ATP8A2: variants seen among roughly 807,000 people sequenced by gnomAD.
The protein encoded by ATP8A2 is phospholipid-transporting ATPase IB.
In ATP8A2, 100 loss-of-function variants were observed where a neutral mutation model predicts 165.6. That is an observed-to-expected ratio of 0.60 (90% CI 0.51 to 0.71). The LOEUF (loss-of-function observed/expected upper bound fraction) is 0.71, where lower values mean the gene tolerates loss of function less well. ATP8A2 is among the 30% of genes least tolerant of loss of function. The pLI is 0.00. For missense variants in ATP8A2, 1,227 were observed against 1,479.5 expected, an observed-to-expected ratio of 0.83 and a Z score of 2.80; for synonymous variants, 543 against 548.8, an observed-to-expected ratio of 0.99 and a Z score of 0.15.
At chr13:25,454,238 T>A (rs572245260) in intron 1 of ATP8A2, among the ~76,000 whole-genome samples, 67 of 152,310 alleles carry the variant, frequency 4.4e-4, no homozygotes, top group African/African-American at 1.6e-3. Flanking sequence ...TGCTTTGCCA[T>A]CGGCATGCCT....
intron 24 of ATP8A2, among the ~76,000 whole-genome samples, chr13:25,687,124 G>A (rs1020382078): frequency 2.0e-5 from 3 of 152,156 alleles, no homozygotes; most frequent in African/African-American, 4.8e-5. Flanking sequence ...ATGGCCCACA[G>A]CGGCCATGAG....
chr13:25,764,000 T>C (rs1287837522), intron 25 of ATP8A2, among the ~76,000 whole-genome samples: 2 of 152,180 alleles, frequency 1.3e-5, no homozygotes, highest in Non-Finnish European at 2.9e-5. Context: ...CTGACTGCCA[T>C]GAAAAAGAAG....
chr13:25,512,050 GT>G (rs1309584178), intron 2 of ATP8A2, among the ~76,000 whole-genome samples: 1 of 151,794 alleles, frequency 6.6e-6, no homozygotes, highest in East Asian at 2.0e-4. Context: ...CAGTGTTTGT[GT>G]CCCTGGGTAC....
intron 28 of ATP8A2, among the ~76,000 whole-genome samples, chr13:25,833,984 AC>A (rs1951544108): frequency 6.6e-6 from 1 of 152,238 alleles, no homozygotes; most frequent in African/African-American, 2.4e-5. Context: ...TAGACAAAAG[AC>A]ATGAGTAGAC....
At chr13:25,580,512 T>G (rs923923778) in intron 22 of ATP8A2, among the ~76,000 whole-genome samples, 1 of 152,136 alleles carries the variant, frequency 6.6e-6, no homozygotes, top group Non-Finnish European at 1.5e-5. Flanking sequence ...GCCATCCAAT[T>G]TCCAGTTTCT....
chr13:25,923,876 G>C (rs78186457), intron 33 of ATP8A2, among the ~76,000 whole-genome samples: 1 of 152,126 alleles, frequency 6.6e-6, no homozygotes, highest in East Asian at 1.9e-4. Context: ...TGTAATCCTA[G>C]CATCTTCTGT....
chr13:25,834,419 A>C (rs114583363), intron 28 of ATP8A2, among the ~76,000 whole-genome samples: 1,543 of 152,300 alleles, frequency 0.01, 18 homozygotes, highest in African/African-American at 0.035. Context: ...ATAGAGATAA[A>C]AGAAAAAGTC....
chr13:25,537,231 ATCT>A (rs1490713367), intron 6 of ATP8A2, among the ~76,000 whole-genome samples: 5 of 152,078 alleles, frequency 3.3e-5, no homozygotes, highest in Non-Finnish European at 7.3e-5. Context: ...GGCTGTACAA[ATCT>A]TCTCCATTTT....
At chr13:25,731,242 G>GAGGA (rs10676923) in intron 25 of ATP8A2, among the ~76,000 whole-genome samples, 2,348 of 140,288 alleles carry the variant, frequency 0.017, 87 homozygotes, top group African/African-American at 0.063. Context: ...AAGAGAGAGA[G>GAGGA]AGGAAGGAAG....
chr13:25,666,933 G>T (rs2042166758), intron 24 of ATP8A2, among the ~76,000 whole-genome samples: 1 of 152,106 alleles, frequency 6.6e-6, no homozygotes, highest in African/African-American at 2.4e-5. Context: ...ACCATAAGCA[G>T]AATGAAAACA....
chr13:25,969,193 ACTC>A (rs1257558137), intron 35 of ATP8A2, among the ~76,000 whole-genome samples: 11 of 152,128 alleles, frequency 7.2e-5, no homozygotes, highest in Non-Finnish European at 7.3e-5. Flanking sequence ...AATCGTGTGA[ACTC>A]CTGGAACAGA....
rs1384866263 is a variant in ATP8A2, at chr13:25,540,380, A to G, written c.643A>G (p.Ile215Val). Residue 215 changes from isoleucine to valine, a missense_variant, in exon 8 of 37, where the codon ATA becomes GTA. By Grantham distance (29) the Ile-to-Val change is conservative. Coordinates refer to ENST00000381655, the MANE Select transcript of ATP8A2 (RefSeq NM_016529.6). ...ANLDGETNLKIRQGLSHTADM... is the reference protein window; with the variant it reads ...ANLDGETNLKVRQGLSHTADM... ...TCTGGATGGGGAGACGAACCTTAAAATACGTCAGGTAAAGTCACCTCTGAT... is the reference window on the plus strand; with the variant it reads ...TCTGGATGGGGAGACGAACCTTAAAGTACGTCAGGTAAAGTCACCTCTGAT... 1.2e-6 allele frequency: 2 copies of G among 1,612,228 alleles called. No homozygotes were observed. Among genetic ancestry groups the G allele is most frequent in the Non-Finnish European group, 8.5e-7 (1 of 1,178,228 alleles).
intron 2 of ATP8A2, among the ~76,000 whole-genome samples, chr13:25,477,676 C>G (rs2036032872): frequency 1.3e-5 from 2 of 152,218 alleles, no homozygotes; most frequent in African/African-American, 4.8e-5. Context: ...GTGGCTCACA[C>G]CTGTAATCCC....
At chr13:25,815,802 T>C (rs550559201) in intron 27 of ATP8A2, among the ~76,000 whole-genome samples, 1 of 152,254 alleles carries the variant, frequency 6.6e-6, no homozygotes, top group Middle Eastern at 3.4e-3. Flanking sequence ...CATGTATGGG[T>C]GAATGAATAA....
intron 27 of ATP8A2, among the ~76,000 whole-genome samples, chr13:25,815,684 G>C (rs1215407057): frequency 6.6e-6 from 1 of 152,032 alleles, no homozygotes; most frequent in East Asian, 1.9e-4. Context: ...TCTACTTCTG[G>C]GTATATATCC....
At chr13:25,423,786 A>G (rs545806256) in intron 1 of ATP8A2, among the ~76,000 whole-genome samples, 60 of 152,362 alleles carry the variant, frequency 3.9e-4, no homozygotes, top group African/African-American at 1.4e-3. Context: ...CAACAATATA[A>G]TTTAAGGTCT....
chr13:25,916,600 T>C (rs1954274589), intron 33 of ATP8A2, among the ~76,000 whole-genome samples: 1 of 152,244 alleles, frequency 6.6e-6, no homozygotes, highest in South Asian at 2.1e-4. Flanking sequence ...CAATGTTTGA[T>C]GTACGTGGTC....
chr13:25,689,601 C>T (rs923706236), intron 24 of ATP8A2, among the ~76,000 whole-genome samples: 3 of 152,118 alleles, frequency 2.0e-5, no homozygotes, highest in Non-Finnish European at 4.4e-5. Context: ...AAATGTTAAT[C>T]CCCAAAGGTC....
At chr13:25,406,870 T>C (rs2033817578) in intron 1 of ATP8A2, among the ~76,000 whole-genome samples, 2 of 152,252 alleles carry the variant, frequency 1.3e-5, no homozygotes, top group South Asian at 2.1e-4. Flanking sequence ...GTGGCTTTCA[T>C]GTGGGCCACT....
Sources: gnomAD v4.1 joint callset for allele counts (sites outside exome capture counted in the v4.1 genomes callset) on GRCh38, gnomAD v4.1.1 for gene constraint, MANE v1.5 for transcripts, NCBI Gene and HGNC (gene_info 2026-07-23, HGNC 2026-07-21) for gene names.